The following PRKCE variants were observed in gnomAD, a reference collection of about 807,000 sequenced individuals.
PRKCE encodes protein kinase C epsilon type.
In PRKCE, 16 loss-of-function variants were observed where a neutral mutation model predicts 85.4. The observed-to-expected ratio is 0.19, with a 90% CI of 0.13 to 0.28. The LOEUF (loss-of-function observed/expected upper bound fraction) is 0.28. Among genes scored for constraint, PRKCE ranks in the 10% least tolerant of loss-of-function variants. PRKCE has a pLI of 1.00. For synonymous variants in PRKCE, 388 were observed against 371.5 expected (o/e 1.04, Z -0.51); for missense variants, 573 against 975.2 (o/e 0.59, Z 5.49).
At chr2:45,752,765 A>G (rs1258264426) in intron 1 of PRKCE, among the ~76,000 whole-genome samples, 1 of 151,744 alleles carries the variant, frequency 6.6e-6, no homozygotes, top group African/African-American at 2.4e-5. Flanking sequence ...CTAGGTACCT[A>G]CCTCCACCTC....
chr2:45,775,739 G>A (rs547841997), intron 1 of PRKCE, among the ~76,000 whole-genome samples: 70 of 152,222 alleles, frequency 4.6e-4, no homozygotes, highest in African/African-American at 1.5e-3. Context: ...CATGATCCTC[G>A]GGTTACGTTA....
At chr2:46,007,711 A>G (rs1187688228) in intron 9 of PRKCE, 50 bp downstream of exon 9, 1 of 1,551,266 alleles carries the variant, frequency 6.4e-7, no homozygotes, top group Non-Finnish European at 8.7e-7. Context: ...ACTCCTTAGC[A>G]TTGTTTCGTC....
At chr2:46,075,242 C>G (rs1391225200) in intron 10 of PRKCE, among the ~76,000 whole-genome samples, 1 of 151,784 alleles carries the variant, frequency 6.6e-6, no homozygotes, top group South Asian at 2.1e-4. Context: ...AGGGTTTCAC[C>G]GTATTAGCCA....
intron 14 of PRKCE, among the ~76,000 whole-genome samples, chr2:46,177,482 C>T (rs2104698343): frequency 6.6e-6 from 1 of 152,296 alleles, no homozygotes; most frequent in African/African-American, 2.4e-5. Context: ...TCTTTCAGCT[C>T]TGGTAGCCAC....
At chr2:46,172,220 G>T (rs553059343) in intron 14 of PRKCE, among the ~76,000 whole-genome samples, 1 of 152,254 alleles carries the variant, frequency 6.6e-6, no homozygotes, top group East Asian at 1.9e-4. Flanking sequence ...TGTCAGAAGC[G>T]CCAGGCCCTC....
At chr2:45,817,673 A>T (rs574121993) in intron 1 of PRKCE, among the ~76,000 whole-genome samples, 1 of 152,282 alleles carries the variant, frequency 6.6e-6, no homozygotes, top group Non-Finnish European at 1.5e-5. Context: ...CAGCCTGGGC[A>T]ACAGAGCGAG....
chr2:45,805,596 C>CTTTTTTTTTTTTTTTTTTTTTTTT (rs529307964), intron 1 of PRKCE, among the ~76,000 whole-genome samples: 3 of 142,606 alleles, frequency 2.1e-5, no homozygotes, highest in Non-Finnish European at 3.1e-5. Context: ...TTACCTTCCT[C>CTTTTTTTTTTTTTTTTTTTTTTTT]TTTTTTTTTT....
At chr2:46,081,981 G>A (rs551808068) in intron 10 of PRKCE, among the ~76,000 whole-genome samples, 42 of 152,254 alleles carry the variant, frequency 2.8e-4, no homozygotes, top group African/African-American at 7.9e-4. Context: ...CTTACTCCCA[G>A]CTACTCGGGA....
intron 2 of PRKCE, among the ~76,000 whole-genome samples, chr2:45,916,841 C>T (rs536953982): frequency 1.8e-4 from 28 of 152,224 alleles, no homozygotes; most frequent in Non-Finnish European, 2.8e-4. Flanking sequence ...CTTAAGGTGA[C>T]GCGTCTGGAG....
At chr2:45,775,316 A>G (rs563847906) in intron 1 of PRKCE, among the ~76,000 whole-genome samples, 3 of 152,262 alleles carry the variant, frequency 2.0e-5, no homozygotes, top group Non-Finnish European at 4.4e-5. Context: ...CATGTACACA[A>G]GTGTATGCGG....
chr2:46,069,710 T>C (rs1667910821), intron 10 of PRKCE, among the ~76,000 whole-genome samples: 1 of 152,244 alleles, frequency 6.6e-6, no homozygotes, highest in Admixed American at 6.5e-5. Flanking sequence ...GCACAAATTT[T>C]AAAGTCTTGG....
intron 10 of PRKCE, among the ~76,000 whole-genome samples, chr2:46,044,358 AG>A (rs1168437935): frequency 1.3e-5 from 2 of 152,230 alleles, no homozygotes; most frequent in African/African-American, 2.4e-5. Flanking sequence ...ATATTGGCTT[AG>A]GGTAATCAGG....
chr2:45,710,485 G>A (rs1470303130), intron 1 of PRKCE, among the ~76,000 whole-genome samples: 1 of 152,232 alleles, frequency 6.6e-6, no homozygotes, highest in African/African-American at 2.4e-5. Context: ...TCTGGTCTCA[G>A]TGGAACCCTG....
At chr2:45,952,811 T>G (rs1272666681) in intron 2 of PRKCE, among the ~76,000 whole-genome samples, 1 of 152,236 alleles carries the variant, frequency 6.6e-6, no homozygotes. Context: ...GTGCTTTGTT[T>G]AGGCTATTAT....
chr2:46,113,406 A>G (rs1229108098), intron 11 of PRKCE, among the ~76,000 whole-genome samples: 2 of 152,186 alleles, frequency 1.3e-5, no homozygotes, highest in Admixed American at 6.5e-5. Flanking sequence ...TTATACTAAT[A>G]CCTTCCTCAC....
At chr2:45,999,184 C>G (rs1200345466) in intron 6 of PRKCE, among the ~76,000 whole-genome samples, 1 of 152,134 alleles carries the variant, frequency 6.6e-6, no homozygotes, top group Non-Finnish European at 1.5e-5. Context: ...TACCTGCTCT[C>G]TTTTTCATGT....
intron 1 of PRKCE, among the ~76,000 whole-genome samples, chr2:45,772,869 T>G (rs1200027249): frequency 6.6e-6 from 1 of 152,088 alleles, no homozygotes; most frequent in Non-Finnish European, 1.5e-5. Context: ...ACCCTGAGAC[T>G]ATGTGCTGTA....
chr2:46,136,249 C>G (rs1340973488), intron 11 of PRKCE, among the ~76,000 whole-genome samples: 1 of 152,172 alleles, frequency 6.6e-6, no homozygotes, highest in Non-Finnish European at 1.5e-5. Flanking sequence ...AGGAGCATTA[C>G]AGGGCTCTTC....
intron 10 of PRKCE, among the ~76,000 whole-genome samples, chr2:46,076,412 G>A (rs1668565111): frequency 6.6e-6 from 1 of 152,192 alleles, no homozygotes; most frequent in Non-Finnish European, 1.5e-5. Context: ...CACACAGATG[G>A]AAGTGAGTGG....
Sources: allele counts gnomAD v4.1 joint callset (sites outside exome capture counted in the v4.1 genomes callset), GRCh38; gene constraint gnomAD v4.1.1; transcripts MANE v1.5; gene names NCBI Gene and HGNC (gene_info 2026-07-23, HGNC 2026-07-21).